LARGE1: variants seen among roughly 807,000 people sequenced by gnomAD.
LARGE1 encodes the protein LARGE xylosyl- and glucuronyltransferase 1.
A neutral mutation model predicts 87.6 loss-of-function variants in LARGE1; 43 were observed. The observed-to-expected ratio is 0.49, with a 90% CI of 0.38 to 0.63. The LOEUF (loss-of-function observed/expected upper bound fraction) is 0.63, where lower values mean the gene tolerates loss of function less well. Ranked by LOEUF, LARGE1 falls within the 30% of genes least tolerant of loss-of-function variation. LARGE1 has a pLI of 0.00. For missense variants in LARGE1, 802 were observed against 1,000.2 expected (o/e 0.80, Z 2.67); for synonymous variants, 434 against 394.6 (o/e 1.10, Z -1.18).
chr22:33,502,387 G>C (rs914504686), intron 6 of LARGE1, among the ~76,000 whole-genome samples: 1 of 152,090 alleles, frequency 6.6e-6, no homozygotes, highest in East Asian at 1.9e-4. Context: ...CAGAGACGGA[G>C]GGAGAATTAT....
chr22:33,522,095 C>T (rs552715068), intron 6 of LARGE1, among the ~76,000 whole-genome samples: 26 of 152,228 alleles, frequency 1.7e-4, no homozygotes, highest in Non-Finnish European at 2.9e-4. Context: ...ATGAGGGATC[C>T]GCTCCCTTGA....
In LARGE1 at chr22:33,552,381, A is replaced by T. The variant is rs181871675; in HGVS notation, c.787+12467T>A. Among the ~76,000 whole-genome samples the T allele has an allele frequency of 2.5e-3, 383 of 152,234 alleles. 1 individual carries two copies. Among genetic ancestry groups the T allele is most frequent in the African/African-American group, 8.9e-3 (369 of 41,552 alleles). On this transcript the variant is annotated intron_variant, in intron 6 of 14. Transcript: ENST00000397394. ...ACAAACACTTGCTTCCAGGAAACAG[A>T]CAGTCAGTCTCCACATGGGAGGGCT...
chr22:33,119,644 A>G, the LARGE1 span, among the ~76,000 whole-genome samples: 2 of 152,160 alleles, frequency 1.3e-5, no homozygotes, highest in African/African-American at 4.8e-5. Context: ...CCAAATGTGA[A>G]GAGTCATGGA....
intron 9 of LARGE1, among the ~76,000 whole-genome samples, chr22:33,346,285 C>T (rs1485878939): frequency 2.0e-5 from 3 of 150,584 alleles, no homozygotes; most frequent in Non-Finnish European, 3.0e-5. Context: ...CTTTCCTCCT[C>T]CTCCTCCTCC....
chr22:33,892,049 A>T lies in LARGE1; in HGVS notation c.-83+27946T>A, dbSNP rs143471847. Among the ~76,000 whole-genome samples the T allele has an allele frequency of 4.8e-3, 728 of 152,212 alleles. 10 individuals carry two copies. Among genetic ancestry groups the T allele is most frequent in the African/African-American group, 0.017 (703 of 41,528 alleles). On this transcript the variant is annotated intron_variant, in intron 1 of 14. Transcript: ENST00000397394. ...TCTCTACCACGTACGAGAGTTCACAATCTTGTCCTGGCCTTCTCACCACCC... is the reference window on the plus strand; with the variant it reads ...TCTCTACCACGTACGAGAGTTCACATTCTTGTCCTGGCCTTCTCACCACCC...
At chr22:33,775,391 C>T (rs1004463522) in intron 1 of LARGE1, among the ~76,000 whole-genome samples, 2 of 152,202 alleles carry the variant, frequency 1.3e-5, no homozygotes, top group African/African-American at 4.8e-5. Flanking sequence ...AGCTGCTATG[C>T]GGCCTCACAC....
intron 1 of LARGE1, among the ~76,000 whole-genome samples, chr22:33,904,389 C>G (rs5999135): frequency 1.3e-5 from 2 of 152,186 alleles, no homozygotes; most frequent in East Asian, 1.9e-4. Flanking sequence ...CTCCTGACCT[C>G]GTGGTCCCCC....
intron 2 of LARGE1, among the ~76,000 whole-genome samples, chr22:33,661,510 T>G (rs1408800018): frequency 1.3e-5 from 2 of 150,754 alleles, no homozygotes; most frequent in Admixed American, 1.3e-4. Context: ...CTTCCGCACC[T>G]GGCATTTCTG....
intron 5 of LARGE1, among the ~76,000 whole-genome samples, chr22:33,587,836 T>A (rs912996400): frequency 3.3e-5 from 5 of 152,200 alleles, no homozygotes; most frequent in Non-Finnish European, 5.9e-5. Context: ...TTTCTGTTTT[T>A]AAATTCAAGC....
At chr22:33,572,099 C>T (rs1268821173) in intron 5 of LARGE1, 1 of 667,482 alleles carries the variant, frequency 1.5e-6, no homozygotes, top group South Asian at 1.5e-5. Flanking sequence ...TGTAAGCTCT[C>T]CTCTGCCATA....
chr22:33,851,847 T>A (rs1327141424), intron 1 of LARGE1, among the ~76,000 whole-genome samples: 1 of 152,210 alleles, frequency 6.6e-6, no homozygotes, highest in African/African-American at 2.4e-5. Flanking sequence ...AGGAACAGAA[T>A]GAGGCTAAAG....
chr22:33,891,109 T>G (rs1399037559), intron 1 of LARGE1, among the ~76,000 whole-genome samples: 1 of 152,146 alleles, frequency 6.6e-6, no homozygotes, highest in Non-Finnish European at 1.5e-5. Context: ...GCAGGCCCCT[T>G]GCTTCCCCCT....
chr22:33,921,963 T>G (rs1169534761), upstream of LARGE1, among the ~76,000 whole-genome samples: 2 of 151,958 alleles, frequency 1.3e-5, no homozygotes, highest in East Asian at 3.9e-4. The surrounding 1 kb of genome is among the most constrained non-coding windows in gnomAD (Gnocchi z 4.1). Context: ...CGCCGAGAGC[T>G]GCACAACTCG....
intron 6 of LARGE1, among the ~76,000 whole-genome samples, chr22:33,530,461 CTTT>C (rs5845091): frequency 4.2e-4 from 54 of 128,884 alleles, no homozygotes; most frequent in Non-Finnish European, 4.1e-4. Flanking sequence ...CTTGCTGAGG[CTTT>C]TTTTTTTTTT....
intron 12 of LARGE1, among the ~76,000 whole-genome samples, chr22:33,287,227 G>A (rs1248032764): frequency 6.6e-6 from 1 of 152,142 alleles, no homozygotes; most frequent in Non-Finnish European, 1.5e-5. Flanking sequence ...TTTTACTTAA[G>A]CTACCTGGTA....
rs200265556 is a variant in LARGE1, at chr22:33,606,428, G to A, written c.492-1870C>T. 4.0e-5 allele frequency among the ~76,000 whole-genome samples: 6 copies of A among 148,836 alleles called. No homozygotes were observed. In the East Asian group the frequency reaches 1.0e-3, roughly 25 times the overall value. On this transcript the variant is annotated intron_variant, in intron 4 of 14. Coordinates refer to ENST00000397394, the MANE Select transcript of LARGE1 (RefSeq NM_133642.5). ...ACAAAATAAATAAATAAAATAAAATGAAATAAAATAAAATAAAATAAAAAT... is the reference window on the plus strand; with the variant it reads ...ACAAAATAAATAAATAAAATAAAATAAAATAAAATAAAATAAAATAAAAAT...
chr22:33,222,909 T>C (rs1395533067), intron 11 of LARGE1, among the ~76,000 whole-genome samples: 1 of 152,180 alleles, frequency 6.6e-6, no homozygotes, highest in East Asian at 1.9e-4. Flanking sequence ...GGGAGCAACA[T>C]GACTTAAACT....
At chr22:33,403,684 A>T (rs1331113660) in intron 7 of LARGE1, among the ~76,000 whole-genome samples, 1 of 151,672 alleles carries the variant, frequency 6.6e-6, no homozygotes, top group Non-Finnish European at 1.5e-5. Context: ...GCTCACTGCA[A>T]CCTCTGCCTC....
At chr22:33,350,881 G>A (rs1482565669) in intron 9 of LARGE1, among the ~76,000 whole-genome samples, 1 of 152,190 alleles carries the variant, frequency 6.6e-6, no homozygotes, top group Non-Finnish European at 1.5e-5. Flanking sequence ...AGAACACAGG[G>A]ATGGGTTCTT....
Sources: gnomAD v4.1 joint callset for allele counts (sites outside exome capture counted in the v4.1 genomes callset) on GRCh38, gnomAD v4.1.1 for gene constraint, Gnocchi (gnomAD v3.1) non-coding constraint, MANE v1.5 for transcripts, NCBI Gene and HGNC (gene_info 2026-07-23, HGNC 2026-07-21) for gene names.